GCC2: variants seen among roughly 807,000 people sequenced by gnomAD.
GCC2 encodes the protein GRIP and coiled-coil domain-containing protein 2.
GCC2 carries 120 observed loss-of-function variants against 210.6 expected under a neutral mutation model. The observed-to-expected ratio is 0.57, with a 90% CI of 0.49 to 0.66. The LOEUF (loss-of-function observed/expected upper bound fraction) is 0.66. GCC2 is among the 30% of genes least tolerant of loss of function. The pLI, the probability that GCC2 is intolerant of heterozygous loss-of-function variation, is 0.00. For synonymous variants in GCC2, 703 were observed against 652.7 expected (o/e 1.08, Z -1.17); for missense variants, 1,868 against 1,871.9 (o/e 1.00, Z 0.04).
intron 4 of GCC2, among the ~76,000 whole-genome samples, chr2:108,461,836 C>CTTTTTTTTTTT (rs1200531303): frequency 8.3e-6 from 1 of 121,144 alleles, no homozygotes; most frequent in African/African-American, 3.2e-5. Context: ...TTTTCTTTTT[C>CTTTTTTTTTTT]TTTTTTTTTT....
In GCC2 at chr2:108,484,173, A is replaced by G; in HGVS notation, c.3475A>G (p.Asn1159Asp). Residue 1159 changes from asparagine (N) to aspartate (D), a missense_variant, in exon 13 of 23, where the codon AAT becomes GAT. By Grantham distance (23) the Asn-to-Asp change is conservative (BLOSUM62 1). Around this residue, in one of 3 missense-constraint regions of GCC2, gnomAD observed 1,847 missense variants for 1,765.2 expected, o/e 1.05. Transcript: ENST00000309863. ...GGATGCCCAACAAACCACATTGATGAATATGGAAATAGCTGATTATGAACG... is the reference window on the plus strand; with the variant it reads ...GGATGCCCAACAAACCACATTGATGGATATGGAAATAGCTGATTATGAACG... Reference protein sequence around the residue: ...KKDAQQTTLMNMEIADYERLM... With the variant: ...KKDAQQTTLMDMEIADYERLM... 1.9e-6 allele frequency: 3 copies of G among 1,586,520 alleles called. No homozygotes were observed. The highest frequency in any genetic ancestry group is 1.7e-6 in the Non-Finnish European group (2 of 1,171,142).
intron 9 of GCC2, among the ~76,000 whole-genome samples, chr2:108,478,865 A>C (rs1237652357): frequency 6.6e-6 from 1 of 152,206 alleles, no homozygotes; most frequent in African/African-American, 2.4e-5. Context: ...ATGGAAAAGA[A>C]AAGACCCTAA....
intron 19 of GCC2, among the ~76,000 whole-genome samples, chr2:108,493,016 C>T (rs549300482): frequency 1.2e-4 from 19 of 152,322 alleles, no homozygotes; most frequent in South Asian, 1.0e-3. Flanking sequence ...AGAATGCTGA[C>T]TTTGATGTAT....
intron 18 of GCC2, 67 bp downstream of exon 18, chr2:108,490,081 A>G (rs972734653): frequency 9.2e-7 from 1 of 1,090,350 alleles, no homozygotes; most frequent in African/African-American, 1.6e-5. Context: ...AACTTCTAAT[A>G]TGTTGATCCT....
At chr2:108,481,123 T>G (rs994559349) in intron 9 of GCC2, among the ~76,000 whole-genome samples, 2 of 152,232 alleles carry the variant, frequency 1.3e-5, no homozygotes, top group African/African-American at 4.8e-5. Context: ...AGTCTGATCA[T>G]TCTGTCCTTC....
Position 108,495,349 on chromosome 2 carries a change from C to T in GCC2, c.4506C>T (p.Leu1502=), listed in dbSNP as rs761869351. The change falls in exon 20 of 23, where the codon CTC becomes CTT. Residue 1502 remains leucine (L), a synonymous_variant. Transcript: ENST00000309863. The part of the protein sequence containing the change: ...KNLRERRNTD[L]PLLDMHTVTR... ...TTCGAGAAAGGAGAAACACAGACCT[C>T]CCGCTTCTAGACATGCACACTGTAA... is the stretch of plus-strand genomic sequence containing the variant. 3.8e-6 allele frequency: 6 copies of T among 1,579,534 alleles called. No individual in the cohort carries two copies. The African/African-American group carries it at 5.4e-5, about 14-fold the overall frequency.
At chr2:108,496,946 A>T in intron 20 of GCC2, 24 bp from the exon 21 acceptor site, 1 of 1,611,010 alleles carries the variant, frequency 6.2e-7, no homozygotes, top group Non-Finnish European at 8.5e-7. Flanking sequence ...TTTGAAAATT[A>T]ATTCTTGGAA....
chr2:108,495,138 T>C (rs1221673139), intron 19 of GCC2, 153 bp from the exon 20 acceptor site: 3 of 494,752 alleles, frequency 6.1e-6, no homozygotes, highest in Non-Finnish European at 1.1e-5. Context: ...AGAAATGCTT[T>C]AGCAATTCTT....
At chr2:108,458,945 T>C (rs527922560) in intron 4 of GCC2, among the ~76,000 whole-genome samples, 6 of 152,284 alleles carry the variant, frequency 3.9e-5, no homozygotes, top group African/African-American at 1.4e-4. Flanking sequence ...ATTAGTCGTT[T>C]CCTTCTGCTA....
At chr2:108,466,982 T>TATA (rs1680928076) in intron 4 of GCC2, among the ~76,000 whole-genome samples, 1 of 152,220 alleles carries the variant, frequency 6.6e-6, no homozygotes, top group South Asian at 2.1e-4. Flanking sequence ...TTCCATTGGT[T>TATA]GTCTGTGCCT....
chr2:108,479,843 G>A (rs749906248), intron 9 of GCC2, among the ~76,000 whole-genome samples: 2 of 151,936 alleles, frequency 1.3e-5, no homozygotes, highest in Non-Finnish European at 2.9e-5. Flanking sequence ...TTAGCCAGGT[G>A]TGGTAGCACA....
At chr2:108,450,209 G>T (rs376678765) in intron 2 of GCC2, among the ~76,000 whole-genome samples, 1 of 152,148 alleles carries the variant, frequency 6.6e-6, no homozygotes, top group East Asian at 1.9e-4. Flanking sequence ...CATGAGATAG[G>T]TACTGTTGTT....
At chr2:108,463,422 A>G (rs1197912484) in intron 4 of GCC2, among the ~76,000 whole-genome samples, 5 of 152,112 alleles carry the variant, frequency 3.3e-5, no homozygotes, top group Admixed American at 6.6e-5. Flanking sequence ...CTTTGATTCT[A>G]GGTGGGTGCA....
chr2:108,502,532 T>C, intron 22 of GCC2, among the ~76,000 whole-genome samples: 1 of 152,206 alleles, frequency 6.6e-6, no homozygotes, highest in East Asian at 1.9e-4. Context: ...GATTATTTAC[T>C]ACTTGTCTCT....
intron 7 of GCC2, among the ~76,000 whole-genome samples, chr2:108,474,386 A>G (rs1681400948): frequency 6.6e-6 from 1 of 152,226 alleles, no homozygotes; most frequent in Non-Finnish European, 1.5e-5. Context: ...GGAAAAAGCC[A>G]TTGCTAGTGC....
At chr2:108,466,125 G>A (rs1052908676) in intron 4 of GCC2, among the ~76,000 whole-genome samples, 2 of 152,162 alleles carry the variant, frequency 1.3e-5, no homozygotes. Flanking sequence ...CTTTTTAATG[G>A]GATTATTTGG....
At chr2:108,449,314 G>A (rs911669135) in intron 1 of GCC2, 34 bp downstream of exon 1, 2 of 1,543,752 alleles carry the variant, frequency 1.3e-6, no homozygotes, top group East Asian at 2.5e-5. Context: ...CTCCCATCAA[G>A]CCTTCCGCGC....
intron 18 of GCC2, among the ~76,000 whole-genome samples, chr2:108,491,562 G>T (rs1447661497): frequency 6.6e-6 from 1 of 152,082 alleles, no homozygotes; most frequent in Non-Finnish European, 1.5e-5. Flanking sequence ...CTTGTATGGT[G>T]CGCATGTGTG....
At chr2:108,499,214 CT>C (rs1682795590) in intron 21 of GCC2, among the ~76,000 whole-genome samples, 1 of 151,992 alleles carries the variant, frequency 6.6e-6, no homozygotes, top group Non-Finnish European at 1.5e-5. Flanking sequence ...TACTTCACCC[CT>C]CTTCCTTCCA....
Sources: allele counts gnomAD v4.1 joint callset (sites outside exome capture counted in the v4.1 genomes callset), GRCh38; gene constraint gnomAD v4.1.1; regional missense constraint gnomAD v4.1.1; transcripts MANE v1.5; gene names NCBI Gene and HGNC (gene_info 2026-07-23, HGNC 2026-07-21).